SREBF2: variants seen among roughly 807,000 people sequenced by gnomAD.
SREBF2 encodes sterol regulatory element-binding protein 2.
SREBF2 carries 55 observed loss-of-function variants against 113.1 expected under a neutral mutation model. The ratio of observed to expected loss-of-function variants is 0.49; its 90% CI spans 0.39 to 0.61. The LOEUF (loss-of-function observed/expected upper bound fraction) is 0.61, where lower values mean the gene tolerates loss of function less well. Among genes scored for constraint, SREBF2 ranks in the 20% least tolerant of loss-of-function variants. The pLI is 0.00. For synonymous variants in SREBF2, 593 were observed against 605.7 expected (o/e 0.98, Z 0.31); for missense variants, 1,349 against 1,487.4 (o/e 0.91, Z 1.53).
intron 9 of SREBF2, chr22:41,878,834 T>C (rs568964230): frequency 2.0e-6 from 2 of 982,148 alleles, no homozygotes; most frequent in South Asian, 2.7e-5. Context: ...CCATCCTGGA[T>C]CTGTCAGCCT....
chr22:41,894,137 T>A (rs2077389635), intron 12 of SREBF2, among the ~76,000 whole-genome samples: 1 of 152,236 alleles, frequency 6.6e-6, no homozygotes, highest in Non-Finnish European at 1.5e-5. Flanking sequence ...AGTGGCTTTG[T>A]CATCTCTGGC....
intron 1 of SREBF2, among the ~76,000 whole-genome samples, chr22:41,847,742 G>C (rs1471881368): frequency 6.6e-6 from 1 of 152,178 alleles, no homozygotes; most frequent in Non-Finnish European, 1.5e-5. Context: ...CTACCTCAAA[G>C]TGTCATTGAG....
At chr22:41,872,144 G>A (rs1311430990) in intron 4 of SREBF2, among the ~76,000 whole-genome samples, 1 of 151,918 alleles carries the variant, frequency 6.6e-6, no homozygotes, top group African/African-American at 2.4e-5. Flanking sequence ...TAGCTACTCG[G>A]GAGGCCGAGG....
intron 11 of SREBF2, among the ~76,000 whole-genome samples, chr22:41,890,176 T>C (rs188401535): frequency 2.3e-3 from 345 of 152,284 alleles, no homozygotes; most frequent in African/African-American, 7.8e-3. Flanking sequence ...TACCAATACA[T>C]GAACCTGTCA....
At position 41,833,385 on chromosome 22, in the gene SREBF2, G is replaced by T; in HGVS notation, c.88+27G>T. Reference sequence around the variant, plus strand: ...TGAGTGGTGGGTGGGTGGGAGTGCGGGGGCCGCGCGGGGAGGAAGGGGTTA... The same window carrying T: ...TGAGTGGTGGGTGGGTGGGAGTGCGTGGGCCGCGCGGGGAGGAAGGGGTTA... On this transcript the variant is annotated intron_variant, in intron 1 of 18. Transcript: ENST00000361204. This position sits in a 1 kb window ranked among gnomAD's most constrained non-coding sequence, Gnocchi z 4.1. The T allele has an allele frequency of 6.8e-7, 1 of 1,479,354 alleles. No homozygotes were observed. Among genetic ancestry groups the T allele is most frequent in the South Asian group, 1.2e-5 (1 of 80,942 alleles). The allele number at this position is 1,479,354 out of a possible 1,614,324, so 91.6% of individuals were successfully genotyped here.
Position 41,873,558 on chromosome 22 carries a change from A to G in SREBF2, c.868-240A>G, listed in dbSNP as rs549186182. ...ATCAAAACTTAAAACATATTTAGCC[A>G]TGTTAATCCTCTTGTGGTGTAGTTT... On this transcript the variant is annotated intron_variant, in intron 4 of 18. Coordinates refer to ENST00000361204, the MANE Select transcript of SREBF2 (RefSeq NM_004599.4). 226 of 552,638 alleles carry G rather than the reference A, an allele frequency of 4.1e-4. 1 individual carries two copies. The South Asian group carries it at 4.4e-3, about 11-fold the overall frequency. 34.2% of individuals were successfully genotyped at this position (552,638 alleles called of 1,614,324 possible). A position where few individuals can be genotyped will look rare whatever the true frequency, so the allele number is the denominator to read the frequency against.
At chr22:41,892,261 A>C (rs2077370762) in intron 11 of SREBF2, among the ~76,000 whole-genome samples, 1 of 152,226 alleles carries the variant, frequency 6.6e-6, no homozygotes, top group Non-Finnish European at 1.5e-5. Flanking sequence ...TGTGCCGAGC[A>C]CTGTTCTAAA....
chr22:41,853,442 T>C (rs980743477), intron 1 of SREBF2, among the ~76,000 whole-genome samples: 13 of 152,208 alleles, frequency 8.5e-5, no homozygotes, highest in Admixed American at 2.6e-4. Flanking sequence ...GATTTTGTCA[T>C]GTTCCCTGTG....
chr22:41,838,257 G>A (rs1207721678), intron 1 of SREBF2, among the ~76,000 whole-genome samples: 4 of 152,188 alleles, frequency 2.6e-5, no homozygotes, highest in Middle Eastern at 3.2e-3. Context: ...GCTGCCTTTG[G>A]AAATGAAAGT....
In SREBF2 at chr22:41,880,858, G is replaced by A. The variant is rs761326356; in HGVS notation, c.1904G>A (p.Arg635His). 1.7e-5 allele frequency: 28 copies of A among 1,613,840 alleles called. No homozygotes were observed. Among genetic ancestry groups the A allele is most frequent in the Non-Finnish European group, 2.2e-5 (26 of 1,180,014 alleles). The change falls in exon 10 of 19, where the codon CGC (arginine) becomes CAC (histidine). Residue 635 changes from arginine (R) to histidine (H), a missense_variant. Around this residue, in one of 2 missense-constraint regions of SREBF2, gnomAD observed 699 missense variants for 843.3 expected, o/e 0.83. Transcript: ENST00000361204. Reference sequence around the variant, plus strand: ...AGCCTGCAGAAGCTACGCCTGGTGCGCTGGCTGCTCAAGAAAGTCTTCCAG... The same window carrying A: ...AGCCTGCAGAAGCTACGCCTGGTGCACTGGCTGCTCAAGAAAGTCTTCCAG... ...RYSLQKLRLV[R>H]WLLKKVFQCR...
intron 1 of SREBF2, among the ~76,000 whole-genome samples, chr22:41,860,241 GAAAAA>G (rs11343843): frequency 1.5e-4 from 20 of 130,128 alleles, no homozygotes; most frequent in Admixed American, 1.1e-3. Flanking sequence ...TTAAATCAGT[GAAAAA>G]AAAAAAAAGA....
intron 4 of SREBF2, among the ~76,000 whole-genome samples, chr22:41,871,395 T>A (rs1178787462): frequency 6.6e-6 from 1 of 152,094 alleles, no homozygotes; most frequent in Non-Finnish European, 1.5e-5. Flanking sequence ...ACATGGAAGG[T>A]ACCCCATCCT....
At position 41,867,203 on chromosome 22, in the gene SREBF2, C is replaced by G. The variant is rs761419380; in HGVS notation, c.461C>G (p.Pro154Arg). Residue 154 changes from proline to arginine, a missense_variant, in exon 2 of 19, where the codon CCA (proline) becomes CGA (arginine). Pro to Arg is a moderately radical substitution (Grantham distance 103, BLOSUM62 -2). Around this residue, in one of 2 missense-constraint regions of SREBF2, gnomAD observed 699 missense variants for 843.3 expected, o/e 0.83. Transcript: ENST00000361204. ...QLQQQTVMIT[P>R]TFSTTPQTRI... The stretch of plus-strand genomic sequence containing the variant: ...CAACAACAGACGGTAATGATCACGC[C>G]AACATTCAGCACCACTCCGCAGACG... 2 of 1,614,200 alleles carry G rather than the reference C, an allele frequency of 1.2e-6. No individual in the cohort carries two copies. Among genetic ancestry groups the G allele is most frequent in the East Asian group, 4.5e-5 (2 of 44,888 alleles).
chr22:41,893,421 T>C lies in SREBF2; in HGVS notation c.2377+136T>C, dbSNP rs566669823. The C allele has an allele frequency of 4.5e-4, 482 of 1,078,584 alleles. 12 individuals carry two copies. The South Asian group carries it at 6.1e-3, about 14-fold the overall frequency. The allele number at this position is 1,078,584 out of a possible 1,614,324, so 66.8% of individuals were successfully genotyped here. ...GAGTCCGTTTGTTTGTTTGTTTGTT[T>C]GTTTGTTTGAACCAAAGCTCAGGGA... is the stretch of plus-strand genomic sequence containing the variant. On this transcript the variant is annotated intron_variant, in intron 12 of 18. Transcript: ENST00000361204.
intron 13 of SREBF2, among the ~76,000 whole-genome samples, chr22:41,895,879 T>C (rs1435853080): frequency 1.3e-5 from 2 of 151,516 alleles, no homozygotes; most frequent in African/African-American, 2.4e-5. Context: ...GTGGCTCACG[T>C]CTGTAATCCC....
At chr22:41,875,507 G>A in intron 6 of SREBF2, 36 bp from the exon 7 acceptor site, 1 of 1,614,236 alleles carries the variant, frequency 6.2e-7, no homozygotes, top group East Asian at 2.2e-5. Context: ...CTTTGTAAAA[G>A]CAGATCATTT....
At chr22:41,889,826 C>T (rs2077340228) in intron 11 of SREBF2, among the ~76,000 whole-genome samples, 1 of 151,948 alleles carries the variant, frequency 6.6e-6, no homozygotes, top group Admixed American at 6.6e-5. Context: ...CATGATGAAA[C>T]TCCGTGTCTA....
chr22:41,900,136 G>T, intron 15 of SREBF2, 194 bp from the exon 16 acceptor site: 1 of 1,478,384 alleles, frequency 6.8e-7, no homozygotes, highest in South Asian at 1.3e-5. Flanking sequence ...CTAAAGGGTG[G>T]GGCGCTAACC....
chr22:41,834,786 G>T (rs2076753845), intron 1 of SREBF2: 1 of 152,182 alleles, frequency 6.6e-6, no homozygotes, highest in Non-Finnish European at 1.5e-5. Flanking sequence ...TCTAAATACA[G>T]AAATGGGTTA....
Sources: allele counts gnomAD v4.1 joint callset (sites outside exome capture counted in the v4.1 genomes callset), GRCh38; gene constraint gnomAD v4.1.1; regional missense constraint gnomAD v4.1.1; non-coding constraint Gnocchi (gnomAD v3.1); transcripts MANE v1.5; gene names NCBI Gene and HGNC (gene_info 2026-07-23, HGNC 2026-07-21).